The following PFDN2 variants were observed in gnomAD, a reference collection of about 807,000 sequenced individuals.
PFDN2 encodes the protein prefoldin 2.
PFDN2 carries 7 observed loss-of-function variants against 18.3 expected under a neutral mutation model. That is an observed-to-expected ratio of 0.38 (90% CI 0.22 to 0.72). The LOEUF is 0.72. Ranked by LOEUF, PFDN2 falls within the 30% of genes least tolerant of loss-of-function variation. The pLI is 0.47. For synonymous variants in PFDN2, 76 were observed against 75.0 expected (o/e 1.01, Z -0.07); for missense variants, 181 against 199.1 (o/e 0.91, Z 0.55).
intron 1 of PFDN2, among the ~76,000 whole-genome samples, chr1:161,108,660 G>C (rs556087690): frequency 2.6e-5 from 4 of 152,146 alleles, no homozygotes; most frequent in East Asian, 3.9e-4. Flanking sequence ...TCCAAAGTAA[G>C]ATCAATGAGT....
Position 161,102,117 on chromosome 1 carries a change from C to T in PFDN2, c.219G>A (p.Met73Ile), listed in dbSNP as rs1476513891. The T allele has an allele frequency of 6.2e-7, 1 of 1,614,230 alleles. No individual in the cohort carries two copies. The highest frequency in any genetic ancestry group is 1.1e-5 in the South Asian group (1 of 91,092). ...TTCGCTCCACCAGCACTCCTCCAAC[C>T]ATGCGGTAGCACTTACGAGTTTCAT... Reference protein sequence around the residue: ...EVDETRKCYRMVGGVLVERTV... With the variant: ...EVDETRKCYRIVGGVLVERTV... Residue 73 changes from methionine to isoleucine, a missense_variant, in exon 3 of 4, where the codon ATG (methionine) becomes ATA (isoleucine). Transcript: ENST00000368010.
intron 1 of PFDN2, among the ~76,000 whole-genome samples, chr1:161,117,704 C>T (rs1655000486): frequency 6.6e-6 from 1 of 152,234 alleles, no homozygotes; most frequent in African/African-American, 2.4e-5. Flanking sequence ...TGCATCTTCC[C>T]AGACCCTACA....
chr1:161,117,104 G>C (rs1654963241), intron 1 of PFDN2, among the ~76,000 whole-genome samples: 1 of 152,022 alleles, frequency 6.6e-6, no homozygotes, highest in Non-Finnish European at 1.5e-5. Context: ...GTGGCGGCGC[G>C]CGCCTGTAGT....
chr1:161,105,762 A>AT (rs906689220), intron 1 of PFDN2, among the ~76,000 whole-genome samples: 3 of 151,538 alleles, frequency 2.0e-5, no homozygotes, highest in East Asian at 1.9e-4. Flanking sequence ...CCCGCCTGAG[A>AT]TTTTTTTTTA....
intron 1 of PFDN2, among the ~76,000 whole-genome samples, chr1:161,117,045 C>T (rs1030225910): frequency 1.2e-4 from 18 of 151,964 alleles, no homozygotes; most frequent in African/African-American, 3.9e-4. Flanking sequence ...CCAGCCTGGC[C>T]AATATGGTGA....
intron 1 of PFDN2, among the ~76,000 whole-genome samples, chr1:161,113,685 G>A (rs529772440): frequency 2.0e-5 from 3 of 152,278 alleles, no homozygotes; most frequent in African/African-American, 7.2e-5. Flanking sequence ...GGAGGCTGAG[G>A]TAGAAGGATC....
At chr1:161,103,683 C>CAAAAAAAAAAAAAAAAAAAAAAAAAAA (rs553472563) in intron 1 of PFDN2, among the ~76,000 whole-genome samples, 1 of 74,914 alleles carries the variant, frequency 1.3e-5, no homozygotes, top group Non-Finnish European at 2.5e-5. Flanking sequence ...GACTCCGTCT[C>CAAAAAAAAAAAAAAAAAAAAAAAAAAA]AAAAAAAAAA....
intron 1 of PFDN2, among the ~76,000 whole-genome samples, chr1:161,112,901 TA>T (rs569560143): frequency 0.035 from 4,245 of 121,808 alleles, 93 homozygotes; most frequent in African/African-American, 0.059. Flanking sequence ...ATAAAATATG[TA>T]AAAAAAAAAA....
chr1:161,114,732 A>G (rs1428467167), intron 1 of PFDN2, among the ~76,000 whole-genome samples: 1 of 152,132 alleles, frequency 6.6e-6, no homozygotes, highest in Non-Finnish European at 1.5e-5. Flanking sequence ...ATAAATAGTA[A>G]ATAGTAGAAA....
chr1:161,109,942 T>A (rs891781058), intron 1 of PFDN2, among the ~76,000 whole-genome samples: 15 of 151,686 alleles, frequency 9.9e-5, no homozygotes, highest in African/African-American at 3.6e-4. Flanking sequence ...TAATCCCAGT[T>A]ACTCGGGAGG....
chr1:161,111,645 G>A (rs1376922583), intron 1 of PFDN2, among the ~76,000 whole-genome samples: 2 of 152,112 alleles, frequency 1.3e-5, no homozygotes, highest in Non-Finnish European at 2.9e-5. Context: ...TCAAGTGCCC[G>A]ATACAATGTA....
At chr1:161,102,414 G>A in intron 1 of PFDN2, 39 bp from the exon 2 acceptor site, 1 of 1,510,920 alleles carries the variant, frequency 6.6e-7, no homozygotes, top group Non-Finnish European at 9.2e-7. Flanking sequence ...GGGGATAGTG[G>A]AAATGGCAGA....
intron 1 of PFDN2, among the ~76,000 whole-genome samples, chr1:161,114,527 T>C (rs988735786): frequency 1.3e-5 from 2 of 152,222 alleles, no homozygotes; most frequent in African/African-American, 2.4e-5. Flanking sequence ...TCCTTTAGAA[T>C]TGAGCTGAAG....
At chr1:161,115,372 A>G (rs1485978105) in intron 1 of PFDN2, among the ~76,000 whole-genome samples, 4 of 152,218 alleles carry the variant, frequency 2.6e-5, no homozygotes, top group Admixed American at 6.5e-5. Context: ...CCAACAATTC[A>G]TAAGTTTTAA....
intron 1 of PFDN2, among the ~76,000 whole-genome samples, chr1:161,104,071 T>C (rs553020055): frequency 6.6e-6 from 1 of 152,326 alleles, no homozygotes; most frequent in South Asian, 2.1e-4. Context: ...ATCTCCCACA[T>C]AATTCTAATG....
At chr1:161,107,510 C>G (rs980818645) in intron 1 of PFDN2, among the ~76,000 whole-genome samples, 1 of 151,096 alleles carries the variant, frequency 6.6e-6, no homozygotes. Flanking sequence ...ATAAATAGTA[C>G]CAATATAAAA....
chr1:161,110,430 T>TA (rs1253211557), intron 1 of PFDN2, among the ~76,000 whole-genome samples: 1 of 152,208 alleles, frequency 6.6e-6, no homozygotes, highest in Non-Finnish European at 1.5e-5. Flanking sequence ...GTCTTAACTC[T>TA]AAAAATCTCT....
In PFDN2 at chr1:161,102,088, A is replaced by G. The variant is rs757098988; in HGVS notation, c.248T>C (p.Val83Ala). The G allele has an allele frequency of 1.9e-6, 3 of 1,614,162 alleles. No homozygotes were observed. ...MVGGVLVERT[V>A]KEVLPALENN... ...CTCCAAAGCGGGCAGCACCTCTTTG[A>G]CAGTTCGCTCCACCAGCACTCCTCC... Residue 83 changes from valine (V) to alanine (A), a missense_variant, in exon 3 of 4, where the codon GTC becomes GCC. Coordinates refer to ENST00000368010, the MANE Select transcript of PFDN2 (RefSeq NM_012394.4).
intron 1 of PFDN2, among the ~76,000 whole-genome samples, chr1:161,110,398 AATC>A (rs994202643): frequency 3.4e-4 from 52 of 152,256 alleles, no homozygotes; most frequent in African/African-American, 1.2e-3. Flanking sequence ...GAAGTGCAGA[AATC>A]ATACCTGTAC....
Sources: gnomAD v4.1 joint callset for allele counts (sites outside exome capture counted in the v4.1 genomes callset) on GRCh38, gnomAD v4.1.1 for gene constraint, MANE v1.5 for transcripts, NCBI Gene and HGNC (gene_info 2026-07-23, HGNC 2026-07-21) for gene names.